CHCHD3: variants seen among roughly 807,000 people sequenced by gnomAD.
CHCHD3 encodes the protein MICOS complex subunit MIC19.
A neutral mutation model predicts 38.2 loss-of-function variants in CHCHD3; 20 were observed. That is an observed-to-expected ratio of 0.52 (90% CI 0.37 to 0.76). The LOEUF (loss-of-function observed/expected upper bound fraction) is 0.76, where lower values mean the gene tolerates loss of function less well. Ranked by LOEUF, CHCHD3 falls within the 30% of genes least tolerant of loss-of-function variation. The pLI, the probability that CHCHD3 is intolerant of heterozygous loss-of-function variation, is 0.00. For synonymous variants in CHCHD3, 82 were observed against 100.0 expected, an observed-to-expected ratio of 0.82 and a Z score of 1.07; for missense variants, 245 against 279.2, an observed-to-expected ratio of 0.88 and a Z score of 0.87.
chr7:132,937,422 A>C (rs964841608), intron 4 of CHCHD3, among the ~76,000 whole-genome samples: 1 of 152,200 alleles, frequency 6.6e-6, no homozygotes, highest in Non-Finnish European at 1.5e-5. Context: ...AATTCCCCTA[A>C]GTGCCTTTAA....
chr7:133,003,162 G>A (rs903453571), intron 3 of CHCHD3, among the ~76,000 whole-genome samples: 3 of 152,182 alleles, frequency 2.0e-5, no homozygotes, highest in Non-Finnish European at 1.5e-5. Context: ...TCAGAAGGCA[G>A]TGTCTCAGAT....
chr7:132,910,268 C>T (rs1562904927), intron 4 of CHCHD3, among the ~76,000 whole-genome samples: 1 of 152,146 alleles, frequency 6.6e-6, no homozygotes, highest in African/African-American at 2.4e-5. Context: ...CTTTTTATTA[C>T]TGTATGATCA....
intron 1 of CHCHD3, among the ~76,000 whole-genome samples, chr7:133,077,555 T>C (rs912369582): frequency 3.3e-5 from 5 of 152,230 alleles, no homozygotes; most frequent in African/African-American, 9.6e-5. Context: ...ATGATACTCA[T>C]TGAAGTTGAC....
intron 2 of CHCHD3, among the ~76,000 whole-genome samples, chr7:133,061,731 G>A (rs1814521840): frequency 6.6e-6 from 1 of 152,170 alleles, no homozygotes; most frequent in Non-Finnish European, 1.5e-5. Flanking sequence ...TTTGATGCTG[G>A]CTAATTAAAA....
intron 4 of CHCHD3, among the ~76,000 whole-genome samples, chr7:132,953,610 C>T (rs1319714138): frequency 6.6e-6 from 1 of 152,182 alleles, no homozygotes; most frequent in Non-Finnish European, 1.5e-5. Flanking sequence ...CCCAGCAGGT[C>T]TGCTCAACTT....
At chr7:133,016,814 G>T (rs1001851072) in intron 3 of CHCHD3, among the ~76,000 whole-genome samples, 2 of 152,136 alleles carry the variant, frequency 1.3e-5, no homozygotes, top group Non-Finnish European at 2.9e-5. Flanking sequence ...TTACCAACAG[G>T]ATCAACAGAT....
At chr7:133,025,810 T>A (rs1480286502) in intron 2 of CHCHD3, among the ~76,000 whole-genome samples, 1 of 152,240 alleles carries the variant, frequency 6.6e-6, no homozygotes, top group Non-Finnish European at 1.5e-5. Context: ...GGCCAGGACC[T>A]AAGTTTTATT....
intron 5 of CHCHD3, among the ~76,000 whole-genome samples, chr7:132,851,770 C>G (rs1808223898): frequency 6.6e-6 from 1 of 152,212 alleles, no homozygotes. Flanking sequence ...ATAAGTTTTC[C>G]TTGGGAAGTG....
intron 2 of CHCHD3, chr7:133,052,112 G>A (rs1814186379): frequency 6.6e-6 from 1 of 152,226 alleles, no homozygotes; most frequent in Admixed American, 6.5e-5. Flanking sequence ...CCTGAGTTAA[G>A]TATTATTCCA....
chr7:132,963,264 A>G (rs183064434), intron 4 of CHCHD3, among the ~76,000 whole-genome samples: 1,564 of 148,858 alleles, frequency 0.011, 12 homozygotes, highest in South Asian at 0.066. Context: ...TTACAACTTT[A>G]CCGTAAGCTA....
Position 132,926,544 on chromosome 7 carries a change from T to C in CHCHD3, c.370-40799A>G, listed in dbSNP as rs181477725. Among the ~76,000 whole-genome samples the C allele has an allele frequency of 2.6e-5, 4 of 152,252 alleles. No homozygotes were observed. In the East Asian group the frequency reaches 7.7e-4, roughly 29 times the overall value. ...GAAGTATTCTATCCGTAAAAGGAAT[T>C]TGTGAGGCGCAAATGAGATAATGTA... is the stretch of plus-strand genomic sequence containing the variant. On this transcript the variant is annotated intron_variant, in intron 4 of 7. Coordinates refer to ENST00000262570, the MANE Select transcript of CHCHD3 (RefSeq NM_017812.4).
intron 6 of CHCHD3, among the ~76,000 whole-genome samples, chr7:132,813,133 T>A (rs1807113768): frequency 1.3e-5 from 2 of 152,150 alleles, no homozygotes; most frequent in African/African-American, 2.4e-5. Flanking sequence ...CCAAACACCA[T>A]CAGCTGCTCA....
intron 5 of CHCHD3, among the ~76,000 whole-genome samples, chr7:132,885,003 GCACTT>G (rs1809168447): frequency 6.6e-6 from 1 of 152,230 alleles, no homozygotes; most frequent in Admixed American, 6.5e-5. Flanking sequence ...TGTAATCCTA[GCACTT>G]TGGGAGGCTG....
At position 133,035,552 on chromosome 7, in the gene CHCHD3, G is replaced by T. The variant is rs1813648541; in HGVS notation, c.170-10925C>A. ...TTGCATTCTCAGTGGCCTGTTTGTT[G>T]TGGTGCATGATGCCCAAGGTGGGGA... is the stretch of plus-strand genomic sequence containing the variant. On this transcript the variant is annotated intron_variant, in intron 2 of 7. Transcript: ENST00000262570. The surrounding 1 kb of genome is among the most constrained non-coding windows in gnomAD (Gnocchi z 4.7). The T allele has an allele frequency of 6.2e-7, 1 of 1,613,532 alleles. No individual in the cohort carries two copies. The highest frequency in any genetic ancestry group is 2.2e-5 in the East Asian group (1 of 44,876).
At chr7:132,824,849 C>T (rs1807469737) in intron 6 of CHCHD3, among the ~76,000 whole-genome samples, 1 of 152,178 alleles carries the variant, frequency 6.6e-6, no homozygotes, top group Non-Finnish European at 1.5e-5. Flanking sequence ...CCAGCTTATG[C>T]CAGTCACCTC....
chr7:133,051,484 T>C (rs891496455), intron 2 of CHCHD3, among the ~76,000 whole-genome samples: 2 of 152,230 alleles, frequency 1.3e-5, no homozygotes, highest in East Asian at 3.8e-4. Context: ...AGCATTTTTC[T>C]ACTAGCCAAG....
intron 4 of CHCHD3, among the ~76,000 whole-genome samples, chr7:132,888,378 T>C (rs1347892464): frequency 1.3e-5 from 2 of 151,874 alleles, no homozygotes; most frequent in African/African-American, 2.4e-5. Flanking sequence ...GTGGCGGTTA[T>C]ATAATTACAT....
At chr7:132,806,068 G>A (rs1029988073) in intron 6 of CHCHD3, among the ~76,000 whole-genome samples, 7 of 152,144 alleles carry the variant, frequency 4.6e-5, no homozygotes, top group African/African-American at 1.7e-4. Flanking sequence ...GAAGCTTGGG[G>A]AACAGTCCAT....
In CHCHD3 at chr7:132,913,856, T is replaced by A. The variant is rs564272431; in HGVS notation, c.370-28111A>T. ...CAACTACGCTGAGACAGCACACTGTTAGGCAGCAAATCCAGCCAATGGGTG... is the reference window on the plus strand; with the variant it reads ...CAACTACGCTGAGACAGCACACTGTAAGGCAGCAAATCCAGCCAATGGGTG... On this transcript the variant is annotated intron_variant, in intron 4 of 7. Transcript: ENST00000262570. Among the ~76,000 whole-genome samples the A allele has an allele frequency of 4.6e-5, 7 of 152,174 alleles. No homozygotes were observed. In the South Asian group the frequency reaches 1.5e-3, roughly 32 times the overall value.
Sources: allele counts gnomAD v4.1 joint callset (sites outside exome capture counted in the v4.1 genomes callset), GRCh38; gene constraint gnomAD v4.1.1; non-coding constraint Gnocchi (gnomAD v3.1); transcripts MANE v1.5; gene names NCBI Gene and HGNC (gene_info 2026-07-23, HGNC 2026-07-21).